The following ERBB4 variants were observed in gnomAD, a reference collection of about 807,000 sequenced individuals.
The protein encoded by ERBB4 is receptor tyrosine-protein kinase erbB-4.
In ERBB4, 42 loss-of-function variants were observed where a neutral mutation model predicts 158.0. The observed-to-expected ratio is 0.27, with a 90% CI of 0.21 to 0.34. ERBB4 has a LOEUF of 0.34. ERBB4 is among the 10% of genes least tolerant of loss of function. The pLI is 1.00. For synonymous variants in ERBB4, 583 were observed against 558.7 expected (o/e 1.04, Z -0.61); for missense variants, 1,333 against 1,624.1 (o/e 0.82, Z 3.08).
intron 1 of ERBB4, among the ~76,000 whole-genome samples, chr2:212,484,894 A>G (rs763779406): frequency 6.6e-6 from 1 of 152,102 alleles, no homozygotes; most frequent in Non-Finnish European, 1.5e-5. Context: ...GCCTTTTCCC[A>G]GGGCTCCTTC....
chr2:211,462,493 A>G (rs774157219), intron 20 of ERBB4, among the ~76,000 whole-genome samples: 4 of 152,162 alleles, frequency 2.6e-5, no homozygotes, highest in Non-Finnish European at 5.9e-5. Flanking sequence ...GTGACAATGA[A>G]TCAGAAATTT....
At chr2:212,356,355 C>G (rs1272423482) in intron 1 of ERBB4, among the ~76,000 whole-genome samples, 1 of 151,944 alleles carries the variant, frequency 6.6e-6, no homozygotes, top group Non-Finnish European at 1.5e-5. Flanking sequence ...GCCAATGGGT[C>G]TGTCTCAGAT....
chr2:212,373,982 A>C, intron 1 of ERBB4, among the ~76,000 whole-genome samples: 1 of 124,084 alleles, frequency 8.1e-6, no homozygotes, highest in Non-Finnish European at 1.7e-5. Context: ...CCATATATAT[A>C]TATCCATATA....
At chr2:212,369,673 T>C (rs892437580) in intron 1 of ERBB4, among the ~76,000 whole-genome samples, 1 of 152,126 alleles carries the variant, frequency 6.6e-6, no homozygotes, top group African/African-American at 2.4e-5. Flanking sequence ...TAGTAATAAA[T>C]GATTTTGTAA....
intron 20 of ERBB4, among the ~76,000 whole-genome samples, chr2:211,480,646 G>A (rs2065060139): frequency 6.6e-6 from 1 of 152,166 alleles, no homozygotes; most frequent in South Asian, 2.1e-4. Flanking sequence ...CATGAGAACA[G>A]ACTAATACAC....
intron 3 of ERBB4, among the ~76,000 whole-genome samples, chr2:211,889,277 C>A (rs1405872900): frequency 1.4e-5 from 2 of 144,078 alleles, no homozygotes; most frequent in Non-Finnish European, 3.0e-5. Context: ...AGGCACCCCC[C>A]AGCCGGGGCA....
chr2:211,612,866 A>C (rs1006043660), intron 19 of ERBB4, among the ~76,000 whole-genome samples: 5 of 152,098 alleles, frequency 3.3e-5, no homozygotes, highest in Admixed American at 2.6e-4. Context: ...CATAGAATCA[A>C]AGCATTTACT....
chr2:211,585,912 A>G (rs1178049296), intron 19 of ERBB4, among the ~76,000 whole-genome samples: 1 of 152,170 alleles, frequency 6.6e-6, no homozygotes, highest in Non-Finnish European at 1.5e-5. Flanking sequence ...AAAATAATTA[A>G]AGTTATACAT....
intron 20 of ERBB4, among the ~76,000 whole-genome samples, chr2:211,559,131 G>A (rs997072352): frequency 1.3e-5 from 2 of 151,724 alleles, no homozygotes; most frequent in Non-Finnish European, 2.9e-5. Flanking sequence ...TGATCTCACC[G>A]TACTCCCCTC....
At chr2:211,983,346 C>T (rs1044835600) in intron 2 of ERBB4, among the ~76,000 whole-genome samples, 1 of 152,146 alleles carries the variant, frequency 6.6e-6, no homozygotes, top group African/African-American at 2.4e-5. Context: ...GGTTGACTCT[C>T]ACATTTCCAG....
At chr2:211,755,626 G>C (rs1163196315) in intron 4 of ERBB4, among the ~76,000 whole-genome samples, 5 of 152,184 alleles carry the variant, frequency 3.3e-5, no homozygotes, top group African/African-American at 7.2e-5. Flanking sequence ...ATGGAAGCTG[G>C]CAAACGTGAC....
At chr2:211,756,102 T>C (rs1173941390) in intron 4 of ERBB4, among the ~76,000 whole-genome samples, 1 of 152,110 alleles carries the variant, frequency 6.6e-6, no homozygotes, top group African/African-American at 2.4e-5. Flanking sequence ...ATTCTTGGTG[T>C]GTGTGTGGGT....
chr2:212,099,958 T>G (rs925523702), intron 2 of ERBB4, among the ~76,000 whole-genome samples: 1 of 152,166 alleles, frequency 6.6e-6, no homozygotes, highest in African/African-American at 2.4e-5. Flanking sequence ...AATCTATGCA[T>G]GCATGCAGGT....
At chr2:211,609,510 G>A (rs2069112826) in intron 19 of ERBB4, among the ~76,000 whole-genome samples, 1 of 152,056 alleles carries the variant, frequency 6.6e-6, no homozygotes, top group Admixed American at 6.5e-5. Context: ...CTGTATCTTT[G>A]GGTCTTCATT....
chr2:211,785,108 T>A (rs6756340), intron 4 of ERBB4, among the ~76,000 whole-genome samples: 66,051 of 142,536 alleles, frequency 0.46, 14,242 homozygotes, highest in African/African-American at 0.58. Flanking sequence ...TTTTTTTTTT[T>A]TTTTTATTTT....
At chr2:211,535,589 A>ATGTGTGTGTG (rs10636668) in intron 20 of ERBB4, 3,180 of 144,828 alleles carry the variant, frequency 0.022, 108 homozygotes, top group African/African-American at 0.074. Context: ...GAGAGAGTGT[A>ATGTGTGTGTG]TGTGTGTGTG....
At chr2:211,845,156 C>T (rs1422415663) in intron 3 of ERBB4, among the ~76,000 whole-genome samples, 1 of 152,042 alleles carries the variant, frequency 6.6e-6, no homozygotes, top group Non-Finnish European at 1.5e-5. Context: ...GCTCCTGCAG[C>T]ATGCCAGCTC....
chr2:211,452,650 A>G (rs973803307), intron 20 of ERBB4, among the ~76,000 whole-genome samples: 5 of 152,192 alleles, frequency 3.3e-5, no homozygotes, highest in African/African-American at 1.2e-4. Flanking sequence ...CAAATTATCT[A>G]TATTGATATT....
At chr2:211,619,818 T>C (rs2069528655) in intron 18 of ERBB4, among the ~76,000 whole-genome samples, 1 of 152,182 alleles carries the variant, frequency 6.6e-6, no homozygotes, top group Non-Finnish European at 1.5e-5. Flanking sequence ...ATATTTAAGA[T>C]TTATTTTTCA....
Sources: gnomAD v4.1 joint callset for allele counts (sites outside exome capture counted in the v4.1 genomes callset) on GRCh38, gnomAD v4.1.1 for gene constraint, MANE v1.5 for transcripts, NCBI Gene and HGNC (gene_info 2026-07-23, HGNC 2026-07-21) for gene names.